Variants in CFAP54 observed in about 807,000 individuals in gnomAD.
CFAP54 encodes cilia- and flagella-associated protein 54.
CFAP54 carries 290 observed loss-of-function variants against 370.4 expected under a neutral mutation model. The ratio of observed to expected loss-of-function variants is 0.78; its 90% CI spans 0.71 to 0.86. The LOEUF (loss-of-function observed/expected upper bound fraction) is 0.86. Ranked by LOEUF, CFAP54 falls within the 40% of genes least tolerant of loss-of-function variation. CFAP54 has a pLI of 0.00. For synonymous variants in CFAP54, 1,206 were observed against 1,236.5 expected, an observed-to-expected ratio of 0.98 and a Z score of 0.52; for missense variants, 3,399 against 3,528.7, an observed-to-expected ratio of 0.96 and a Z score of 0.93.
chr12:96,766,408 C>T (rs528894236), intron 60 of CFAP54, among the ~76,000 whole-genome samples: 5 of 152,250 alleles, frequency 3.3e-5, no homozygotes, highest in South Asian at 2.1e-4. Flanking sequence ...GGGACAAAGC[C>T]ATTGACCCTA....
chr12:96,580,906 A>G lies in CFAP54; in HGVS notation c.2890-14A>G. On this transcript the variant is annotated splice_polypyrimidine_tract_variant and intron_variant, in intron 21 of 67. Coordinates refer to ENST00000524981, the MANE Select transcript of CFAP54 (RefSeq NM_001306084.2). ...ATTTTTCATGTATAACTTGAAATAT[A>G]TTTTTCTTAATAGATACCAGCTGAC... is the stretch of plus-strand genomic sequence containing the variant. 1 of 1,450,620 alleles carries G rather than the reference A, an allele frequency of 6.9e-7. No individual in the cohort carries two copies. Among genetic ancestry groups the G allele is most frequent in the Non-Finnish European group, 9.1e-7 (1 of 1,099,812 alleles). 89.9% of individuals were successfully genotyped at this position (1,450,620 alleles called of 1,614,324 possible). A position where few individuals can be genotyped will look rare whatever the true frequency, so the allele number is the denominator to read the frequency against.
chr12:96,714,019 G>A (rs1957644946), intron 48 of CFAP54, among the ~76,000 whole-genome samples: 1 of 152,150 alleles, frequency 6.6e-6, no homozygotes, highest in Non-Finnish European at 1.5e-5. Flanking sequence ...AATTTTAAGA[G>A]GAAGAATTAA....
chr12:96,844,331 G>A (rs561963535), intron 66 of CFAP54, among the ~76,000 whole-genome samples: 11 of 152,276 alleles, frequency 7.2e-5, no homozygotes, highest in Non-Finnish European at 1.3e-4. Flanking sequence ...TGTGATGACG[G>A]AAGCAGAGAC....
chr12:96,802,282 AC>A (rs1169873466), intron 63 of CFAP54, among the ~76,000 whole-genome samples: 2 of 152,076 alleles, frequency 1.3e-5, no homozygotes, highest in Non-Finnish European at 2.9e-5. Flanking sequence ...TGAGGGGGAC[AC>A]CACCCCACCC....
intron 12 of CFAP54, 45 bp downstream of exon 12, chr12:96,535,645 T>A: frequency 3.1e-6 from 4 of 1,286,830 alleles, no homozygotes; most frequent in Non-Finnish European, 4.3e-6. Flanking sequence ...TGGAAGGAGG[T>A]TTTTGTGCCT....
intron 66 of CFAP54, among the ~76,000 whole-genome samples, chr12:96,851,464 G>T (rs942550687): frequency 2.6e-5 from 4 of 151,904 alleles, no homozygotes; most frequent in South Asian, 2.1e-4. Flanking sequence ...TTGTAATAAG[G>T]CAAGAGAATA....
chr12:96,761,179 T>C (rs1020301645), intron 58 of CFAP54, among the ~76,000 whole-genome samples: 20 of 152,340 alleles, frequency 1.3e-4, no homozygotes, highest in African/African-American at 4.6e-4. Context: ...TGAAGTGGTA[T>C]CTCACTGTGG....
At chr12:96,665,453 G>A (rs549701206) in intron 39 of CFAP54, among the ~76,000 whole-genome samples, 95 of 152,200 alleles carry the variant, frequency 6.2e-4, no homozygotes, top group African/African-American at 2.3e-3. Flanking sequence ...ATAGTTTTGG[G>A]TTTTGCAATT....
intron 32 of CFAP54, among the ~76,000 whole-genome samples, chr12:96,642,191 C>G (rs1031603818): frequency 6.6e-6 from 1 of 152,062 alleles, no homozygotes; most frequent in Non-Finnish European, 1.5e-5. Flanking sequence ...CTAGCAGGAG[C>G]TCTTCCAGGC....
intron 57 of CFAP54, 108 bp downstream of exon 57, chr12:96,756,671 C>G: frequency 1.4e-6 from 1 of 716,416 alleles, no homozygotes; most frequent in East Asian, 2.8e-5. Context: ...CTTCTGAAAG[C>G]AGGGCTAGTT....
At chr12:96,588,721 G>A (rs1410769750) in intron 22 of CFAP54, among the ~76,000 whole-genome samples, 1 of 150,912 alleles carries the variant, frequency 6.6e-6, no homozygotes, top group African/African-American at 2.4e-5. Context: ...AACTCATTTG[G>A]TGAGATTTTA....
Position 96,826,999 on chromosome 12 carries a change from A to G in CFAP54, c.9097-2015A>G, listed in dbSNP as rs7976896. 2.8e-3 allele frequency among the ~76,000 whole-genome samples: 373 copies of G among 132,512 alleles called. 5 individuals are homozygous for G. Among genetic ancestry groups the G allele is most frequent in the African/African-American group, 0.011 (331 of 31,234 alleles). 86.9% of individuals were successfully genotyped at this position (132,512 alleles called of 152,430 possible). Reference sequence around the variant, plus strand: ...GATTATATATAATATGCAATTATATATGATTAATTATAATATGCAATTATA... The same window carrying G: ...GATTATATATAATATGCAATTATATGTGATTAATTATAATATGCAATTATA... On this transcript the variant is annotated intron_variant, in intron 65 of 67. Transcript: ENST00000524981.
At chr12:96,658,721 T>C (rs931285915) in intron 38 of CFAP54, among the ~76,000 whole-genome samples, 9 of 151,624 alleles carry the variant, frequency 5.9e-5, no homozygotes, top group Non-Finnish European at 1.5e-5. Context: ...CGCCTCTTCC[T>C]TAGTGTGTTA....
chr12:96,786,706 GC>G lies in CFAP54; in HGVS notation c.8489del (p.Pro2830GlnfsTer14). 6.5e-7 allele frequency: 1 copy of G among 1,533,904 alleles called. No homozygotes were observed. On this transcript the variant is annotated frameshift_variant, in exon 62 of 68. Coordinates refer to ENST00000524981, the MANE Select transcript of CFAP54 (RefSeq NM_001306084.2). LOFTEE classifies it high-confidence loss of function. ...SATPVSGISL[P>X]DDTLLTSLYN... ...CAACACCAGTATCTGGAATTTCTTT[GC>G]CAGATGATACACTTCTCACATCCCT...
At chr12:96,707,552 A>C (rs1467328639) in intron 47 of CFAP54, among the ~76,000 whole-genome samples, 1 of 152,132 alleles carries the variant, frequency 6.6e-6, no homozygotes, top group Non-Finnish European at 1.5e-5. Context: ...TGGCTGGAGA[A>C]GGAAGTTGGG....
At chr12:96,709,379 G>A (rs981225303) in intron 48 of CFAP54, among the ~76,000 whole-genome samples, 15 of 152,192 alleles carry the variant, frequency 9.9e-5, no homozygotes, top group Admixed American at 6.5e-5. Flanking sequence ...CCATGGATGG[G>A]ATTTATGGGC....
At chr12:96,794,028 G>A (rs1958731929) in intron 63 of CFAP54, among the ~76,000 whole-genome samples, 1 of 152,118 alleles carries the variant, frequency 6.6e-6, no homozygotes, top group Non-Finnish European at 1.5e-5. Context: ...ATTCTTGGCT[G>A]ACAATTGTTT....
chr12:96,503,650 G>T (rs1272699843), intron 2 of CFAP54, among the ~76,000 whole-genome samples: 1 of 152,032 alleles, frequency 6.6e-6, no homozygotes, highest in Non-Finnish European at 1.5e-5. Flanking sequence ...CATCCTTGTG[G>T]TCATGATGGT....
At position 96,825,289 on chromosome 12, in the gene CFAP54, A is replaced by G. The variant is rs1592787702; in HGVS notation, c.9097-3725A>G. ...TAATATAACATGTTATATTATATATAATATAATATATTATATATATAATAT... is the reference window on the plus strand; with the variant it reads ...TAATATAACATGTTATATTATATATGATATAATATATTATATATATAATAT... On this transcript the variant is annotated intron_variant, in intron 65 of 67. Coordinates refer to ENST00000524981, the MANE Select transcript of CFAP54 (RefSeq NM_001306084.2). 1.6e-5 allele frequency among the ~76,000 whole-genome samples: 2 copies of G among 125,694 alleles called. 1 individual carries two copies. The highest frequency in any genetic ancestry group is 7.9e-3 in the Middle Eastern group (2 of 252). 82.5% of individuals were successfully genotyped at this position (125,694 alleles called of 152,430 possible).
Sources: allele counts gnomAD v4.1 joint callset (sites outside exome capture counted in the v4.1 genomes callset), GRCh38; gene constraint gnomAD v4.1.1; transcripts MANE v1.5; gene names NCBI Gene and HGNC (gene_info 2026-07-23, HGNC 2026-07-21).